The following SUGCT variants were observed in gnomAD, a reference collection of about 807,000 sequenced individuals.
SUGCT encodes the protein succinyl-CoA:glutarate CoA-transferase.
Under a neutral mutation model 55.0 loss-of-function variants are expected in SUGCT, and 41 were observed. That is an observed-to-expected ratio of 0.74 (90% confidence interval 0.58 to 0.97). SUGCT has a LOEUF of 0.97. SUGCT is among the 50% of genes least tolerant of loss of function. The probability of loss-of-function intolerance (pLI) is 0.00; values close to 1 mark genes in which losing one functional copy is unlikely to be tolerated. For missense variants in SUGCT, 568 were observed against 547.8 expected (o/e 1.04, Z -0.37); for synonymous variants, 187 against 200.4 (o/e 0.93, Z 0.56).
At chr7:40,526,648 A>T (rs1022349786) in intron 12 of SUGCT, among the ~76,000 whole-genome samples, 2 of 152,156 alleles carry the variant, frequency 1.3e-5, no homozygotes, top group African/African-American at 4.8e-5. Context: ...ATTTTTGTTT[A>T]TAATGGAGTC....
the SUGCT span, among the ~76,000 whole-genome samples, chr7:40,929,663 C>T: frequency 8.5e-5 from 13 of 152,156 alleles, no homozygotes; most frequent in Admixed American, 3.3e-4. Flanking sequence ...GCATTTCTCT[C>T]ATGACCAGTG....
chr7:40,357,788 T>C (rs1180193488), intron 9 of SUGCT, among the ~76,000 whole-genome samples: 1 of 152,052 alleles, frequency 6.6e-6, no homozygotes. Flanking sequence ...AATCTTCTTT[T>C]GATTTTTTTA....
intron 12 of SUGCT, among the ~76,000 whole-genome samples, chr7:40,555,196 T>A (rs1303168411): frequency 1.3e-5 from 2 of 151,762 alleles, no homozygotes; most frequent in Non-Finnish European, 2.9e-5. Context: ...CCAAAGGAAA[T>A]GGAAGATCAA....
chr7:40,343,123 A>T (rs943891748), intron 9 of SUGCT, among the ~76,000 whole-genome samples: 1 of 152,214 alleles, frequency 6.6e-6, no homozygotes, highest in Non-Finnish European at 1.5e-5. Context: ...GAAGTTCCAT[A>T]GTCATACTCT....
intron 7 of SUGCT, among the ~76,000 whole-genome samples, chr7:40,242,130 C>T (rs1789442790): frequency 6.6e-6 from 1 of 151,706 alleles, no homozygotes; most frequent in Non-Finnish European, 1.5e-5. Flanking sequence ...TTGATCCTCA[C>T]ATTGGTACTT....
At chr7:40,776,794 C>T (rs1921742) in intron 13 of SUGCT, among the ~76,000 whole-genome samples, 1 of 152,152 alleles carries the variant, frequency 6.6e-6, no homozygotes, top group African/African-American at 2.4e-5. Flanking sequence ...AGACATTGCT[C>T]ATCAATCCCA....
intron 9 of SUGCT, among the ~76,000 whole-genome samples, chr7:40,332,600 A>C (rs1337124583): frequency 6.6e-6 from 1 of 152,090 alleles, no homozygotes; most frequent in Non-Finnish European, 1.5e-5. Context: ...CAAATCAGTA[A>C]GTTCAGTCCT....
At chr7:40,618,119 G>A (rs1243065319) in intron 12 of SUGCT, among the ~76,000 whole-genome samples, 2 of 152,002 alleles carry the variant, frequency 1.3e-5, no homozygotes, top group Non-Finnish European at 2.9e-5. Flanking sequence ...CTCTTAAGTT[G>A]GTTTTGACAT....
intron 13 of SUGCT, among the ~76,000 whole-genome samples, chr7:40,839,837 A>G (rs907295000): frequency 6.6e-6 from 1 of 152,192 alleles, no homozygotes; most frequent in African/African-American, 2.4e-5. Context: ...TGACTATTCT[A>G]CAGTAAGTTT....
At chr7:40,825,136 G>T (rs1463986150) in intron 13 of SUGCT, among the ~76,000 whole-genome samples, 1 of 152,186 alleles carries the variant, frequency 6.6e-6, no homozygotes, top group African/African-American at 2.4e-5. Context: ...AGACCTGGAA[G>T]TAGTATACAC....
intron 9 of SUGCT, among the ~76,000 whole-genome samples, chr7:40,369,821 G>A (rs1180130841): frequency 1.3e-5 from 2 of 152,102 alleles, no homozygotes; most frequent in African/African-American, 4.8e-5. Flanking sequence ...CTAGGCTCCT[G>A]CTGATTGTGT....
chr7:40,362,288 G>T (rs938868391), intron 9 of SUGCT, among the ~76,000 whole-genome samples: 2 of 152,004 alleles, frequency 1.3e-5, no homozygotes, highest in African/African-American at 4.8e-5. Context: ...GTGTGGTGGC[G>T]CATGCCTCTA....
At chr7:40,550,977 C>G (rs1196865967) in intron 12 of SUGCT, among the ~76,000 whole-genome samples, 2 of 152,156 alleles carry the variant, frequency 1.3e-5, no homozygotes, top group Non-Finnish European at 2.9e-5. Flanking sequence ...CTTCTCTTTT[C>G]TCTTGTCTTG....
chr7:40,596,215 A>G (rs915727360), intron 12 of SUGCT, among the ~76,000 whole-genome samples: 1 of 152,154 alleles, frequency 6.6e-6, no homozygotes, highest in Non-Finnish European at 1.5e-5. Context: ...ATTGCTTTTT[A>G]CACATTTCCT....
chr7:40,685,005 G>T (rs1784404292), intron 12 of SUGCT, among the ~76,000 whole-genome samples: 1 of 151,918 alleles, frequency 6.6e-6, no homozygotes. Flanking sequence ...TAATTTTTGT[G>T]TGTGTTTATT....
At chr7:40,697,816 C>T (rs1192615844) in intron 12 of SUGCT, among the ~76,000 whole-genome samples, 4 of 152,180 alleles carry the variant, frequency 2.6e-5, no homozygotes, top group African/African-American at 4.8e-5. Flanking sequence ...GCTCATACTA[C>T]ACCTTATTGC....
chr7:40,203,433 G>C (rs150536339), intron 6 of SUGCT, among the ~76,000 whole-genome samples: 1 of 152,102 alleles, frequency 6.6e-6, no homozygotes, highest in Non-Finnish European at 1.5e-5. Context: ...ACATTAAGTC[G>C]AGTGAACATG....
At chr7:40,309,091 T>A (rs1795000010) in intron 8 of SUGCT, among the ~76,000 whole-genome samples, 1 of 152,344 alleles carries the variant, frequency 6.6e-6, no homozygotes, top group South Asian at 2.1e-4. Flanking sequence ...AGGCCTCTAC[T>A]AAGCCCATTA....
intron 12 of SUGCT, among the ~76,000 whole-genome samples, chr7:40,511,274 G>A (rs965345454): frequency 1.3e-5 from 2 of 151,968 alleles, no homozygotes; most frequent in Admixed American, 6.6e-5. Context: ...TCTAATTGTG[G>A]GAAAACATCT....
Sources: allele counts gnomAD v4.1 joint callset (sites outside exome capture counted in the v4.1 genomes callset), GRCh38; gene constraint gnomAD v4.1.1; transcripts MANE v1.5; gene names NCBI Gene and HGNC (gene_info 2026-07-23, HGNC 2026-07-21).